Variants in SGK1 observed in about 807,000 individuals in gnomAD.
SGK1 encodes the protein serum/glucocorticoid regulated kinase 1.
In SGK1, 26 loss-of-function variants were observed where a neutral mutation model predicts 64.2. The ratio of observed to expected loss-of-function variants is 0.40; its 90% CI spans 0.30 to 0.56. SGK1 has a LOEUF of 0.56. SGK1 is among the 20% of genes least tolerant of loss of function. The pLI, the probability that SGK1 is intolerant of heterozygous loss-of-function variation, is 0.38. For synonymous variants in SGK1, 265 were observed against 239.7 expected, an observed-to-expected ratio of 1.11 and a Z score of -0.98; for missense variants, 519 against 645.6, an observed-to-expected ratio of 0.80 and a Z score of 2.12.
chr6:134,207,241 C>CA (rs1199785883), intron 3 of SGK1, 115 bp downstream of exon 3: 60 of 728,446 alleles, frequency 8.2e-5, no homozygotes, highest in Middle Eastern at 2.9e-4. Flanking sequence ...AAACAAAAAA[C>CA]AAAAAACAAA....
At chr6:134,235,285 T>C (rs1020701315) in intron 2 of SGK1, among the ~76,000 whole-genome samples, 13 of 152,180 alleles carry the variant, frequency 8.5e-5, no homozygotes, top group Non-Finnish European at 1.5e-4. Flanking sequence ...CTATGTAAGC[T>C]TTCACATCGC....
At chr6:134,299,967 GA>G (rs1267210258) in intron 1 of SGK1, among the ~76,000 whole-genome samples, 4 of 151,398 alleles carry the variant, frequency 2.6e-5, no homozygotes, top group Non-Finnish European at 4.4e-5. Flanking sequence ...AAGAGAGAGA[GA>G]AAAAAAACAC....
In SGK1 at chr6:134,173,014, C is replaced by G. The variant is rs376597198; in HGVS notation, c.834+9G>C. 4.4e-6 allele frequency: 7 copies of G among 1,608,270 alleles called. No homozygotes were observed. In the South Asian group the frequency reaches 5.5e-5, roughly 13 times the overall value. On this transcript the variant is annotated intron_variant, in intron 8 of 13. Transcript: ENST00000367858. ...ACACTAAGAGTTGACTTCTATCCCC[C>G]CTGCTCACCTCTCCACCATTAATGT...
intron 1 of SGK1, among the ~76,000 whole-genome samples, chr6:134,299,051 G>A (rs1198978966): frequency 2.0e-5 from 3 of 151,836 alleles, no homozygotes; most frequent in Non-Finnish European, 4.4e-5. Flanking sequence ...CACCTGCCTC[G>A]ACCTGCCAAA....
chr6:134,286,480 T>A (rs918370042), intron 1 of SGK1, among the ~76,000 whole-genome samples: 7 of 98,126 alleles, frequency 7.1e-5, no homozygotes, highest in African/African-American at 9.9e-5. Flanking sequence ...AATACAATAT[T>A]TTTTTTTTTT....
intron 3 of SGK1, among the ~76,000 whole-genome samples, chr6:134,179,245 A>G (rs1775295857): frequency 6.6e-6 from 1 of 152,156 alleles, no homozygotes; most frequent in Admixed American, 6.5e-5. Flanking sequence ...CATTGATAAC[A>G]AGGCAATATA....
chr6:134,259,899 T>C (rs192787112), intron 2 of SGK1: 13 of 152,332 alleles, frequency 8.5e-5, no homozygotes, highest in African/African-American at 3.1e-4. Flanking sequence ...AGCAAAGTGC[T>C]AACCCAGTTA....
chr6:134,178,608 A>G (rs1292231402), intron 3 of SGK1, among the ~76,000 whole-genome samples: 1 of 152,172 alleles, frequency 6.6e-6, no homozygotes, highest in Non-Finnish European at 1.5e-5. Flanking sequence ...CTGGTGGCGA[A>G]GTGGTCCGAG....
chr6:134,230,163 A>T (rs1286219071), intron 2 of SGK1, among the ~76,000 whole-genome samples: 1 of 152,178 alleles, frequency 6.6e-6, no homozygotes, highest in African/African-American at 2.4e-5. Flanking sequence ...TGATGCTATG[A>T]AAAATCAGCC....
intron 2 of SGK1, among the ~76,000 whole-genome samples, chr6:134,211,220 G>A (rs80032839): frequency 0.014 from 2,096 of 152,166 alleles, 53 homozygotes; most frequent in African/African-American, 0.049. Flanking sequence ...TATTTTGTCA[G>A]TATATCAGAA....
intron 1 of SGK1, among the ~76,000 whole-genome samples, chr6:134,278,358 A>G (rs961582399): frequency 2.6e-5 from 4 of 152,250 alleles, no homozygotes; most frequent in African/African-American, 9.6e-5. Context: ...ACACAAAGAT[A>G]AAGACTGAAT....
At chr6:134,313,438 C>T (rs1236793977) in intron 1 of SGK1, among the ~76,000 whole-genome samples, 1 of 151,930 alleles carries the variant, frequency 6.6e-6, no homozygotes, top group Non-Finnish European at 1.5e-5. Context: ...GTCACTATGC[C>T]GTTAGTTTCA....
chr6:134,224,856 A>G (rs1443651628), intron 2 of SGK1, among the ~76,000 whole-genome samples: 1 of 149,174 alleles, frequency 6.7e-6, no homozygotes, highest in Non-Finnish European at 1.5e-5. Context: ...CCCCATCTCT[A>G]TAAAAACACA....
intron 1 of SGK1, among the ~76,000 whole-genome samples, chr6:134,283,659 G>A (rs528612900): frequency 6.6e-6 from 1 of 151,510 alleles, no homozygotes; most frequent in Non-Finnish European, 1.5e-5. Flanking sequence ...ATCAGCTTGG[G>A]CAATACAGTG....
chr6:134,209,208 C>A (rs924553330), intron 2 of SGK1, among the ~76,000 whole-genome samples: 1 of 152,070 alleles, frequency 6.6e-6, no homozygotes, highest in Non-Finnish European at 1.5e-5. Flanking sequence ...CCGAGGCGGG[C>A]GGATCAGCTG....
At chr6:134,224,958 T>TGCA (rs1776146405) in intron 2 of SGK1, among the ~76,000 whole-genome samples, 1 of 138,828 alleles carries the variant, frequency 7.2e-6, no homozygotes, top group Non-Finnish European at 1.5e-5. Context: ...AGGTGGAGGT[T>TGCA]GCAGTGAGCT....
intron 3 of SGK1, among the ~76,000 whole-genome samples, chr6:134,205,165 G>A (rs1013884450): frequency 3.3e-5 from 5 of 152,004 alleles, no homozygotes; most frequent in African/African-American, 1.2e-4. Context: ...ATAACATCAA[G>A]AATCATTTAT....
intron 2 of SGK1, among the ~76,000 whole-genome samples, chr6:134,211,030 C>T (rs1360282203): frequency 1.3e-5 from 2 of 150,134 alleles, no homozygotes; most frequent in African/African-American, 4.9e-5. Context: ...GAGCCTGAGG[C>T]AGGAGAATCG....
chr6:134,261,712 G>A, intron 2 of SGK1: 1 of 613,408 alleles, frequency 1.6e-6, no homozygotes, highest in Non-Finnish European at 2.9e-6. Flanking sequence ...TGTACCTTCT[G>A]CTCAATGTTG....
Sources: allele counts gnomAD v4.1 joint callset (sites outside exome capture counted in the v4.1 genomes callset), GRCh38; gene constraint gnomAD v4.1.1; transcripts MANE v1.5; gene names NCBI Gene and HGNC (gene_info 2026-07-23, HGNC 2026-07-21).